Variants in CD2AP observed in about 807,000 individuals in gnomAD.
CD2AP encodes the protein CD2 associated protein, also known as CD2-associated protein.
CD2AP carries 46 observed loss-of-function variants against 85.1 expected under a neutral mutation model. The ratio of observed to expected loss-of-function variants is 0.54; its 90% confidence interval spans 0.43 to 0.69. The LOEUF (loss-of-function observed/expected upper bound fraction) is 0.69. Ranked by LOEUF, CD2AP falls within the 30% of genes least tolerant of loss-of-function variation. The pLI, the probability that CD2AP is intolerant of heterozygous loss-of-function variation, is 0.00. For missense variants in CD2AP, 769 were observed against 729.5 expected (o/e 1.05, Z -0.62); for synonymous variants, 255 against 252.9 (o/e 1.01, Z -0.08).
chr6:47,540,620 G>C (rs1315849952), intron 3 of CD2AP, among the ~76,000 whole-genome samples: 1 of 151,794 alleles, frequency 6.6e-6, no homozygotes. Context: ...GAAAAATTAT[G>C]TTTAGTGTGA....
chr6:47,488,386 G>A (rs1765621888), intron 1 of CD2AP, among the ~76,000 whole-genome samples: 1 of 152,052 alleles, frequency 6.6e-6, no homozygotes, highest in Admixed American at 6.6e-5. Flanking sequence ...TGTTACATAT[G>A]TGTAATTTTA....
In CD2AP at chr6:47,533,555, A is replaced by C. The variant is rs780246981; in HGVS notation, c.166-47A>C. 3 of 1,571,956 alleles carry C rather than the reference A, an allele frequency of 1.9e-6. No individual in the cohort carries two copies. The East Asian group carries it at 7.0e-5, about 37-fold the overall frequency. On this transcript the variant is annotated intron_variant, in intron 2 of 17. Coordinates refer to ENST00000359314, the MANE Select transcript of CD2AP (RefSeq NM_012120.3). Reference sequence around the variant, plus strand: ...TATTTTACATTTGAGGATTTAATATAAAAAATATAACTTAACTTGCCTCTT... The same window carrying C: ...TATTTTACATTTGAGGATTTAATATCAAAAATATAACTTAACTTGCCTCTT...
rs1769264821 is a variant in CD2AP at position 47,606,206 on chromosome 6, C to G, written c.1459C>G (p.Leu487Val). ...FDDIASSENLLHLTANRPKMP... is the reference protein window; with the variant it reads ...FDDIASSENLVHLTANRPKMP... ...TGACATAGCTTCCTCAGAAAACTTG[C>G]TTCATCTCACTGCAAATAGACCAAA... The change falls in exon 14 of 18, where the codon CTT becomes GTT. Residue 487 changes from leucine to valine, a missense_variant. Transcript: ENST00000359314. 1 of 1,610,922 alleles carries G rather than the reference C, an allele frequency of 6.2e-7. No individual in the cohort carries two copies. The highest frequency in any genetic ancestry group is 8.5e-7 in the Non-Finnish European group (1 of 1,177,352).
intron 3 of CD2AP, among the ~76,000 whole-genome samples, chr6:47,540,671 G>T (rs1290328915): frequency 6.6e-6 from 1 of 152,042 alleles, no homozygotes; most frequent in Non-Finnish European, 1.5e-5. Flanking sequence ...TAACTAGGCT[G>T]CTCAGACTTC....
At position 47,625,166 on chromosome 6, in the gene CD2AP, C is replaced by A. The variant is rs1276696401; in HGVS notation, c.*939C>A. The A allele has an allele frequency of 4.6e-5, 7 of 151,816 alleles. No individual in the cohort carries two copies. Among genetic ancestry groups the A allele is most frequent in the African/African-American group, 1.7e-4 (7 of 41,444 alleles). The allele number at this position is 151,816 out of a possible 1,614,324, so 9.4% of individuals were successfully genotyped here. On this transcript the variant is annotated 3_prime_UTR_variant, in exon 18 of 18. Coordinates refer to ENST00000359314, the MANE Select transcript of CD2AP (RefSeq NM_012120.3). ...CTCATTATCTTGTCACTTAGTTCTTCATGTTTCTCCTTCTGACTTTTAATA... is the reference window on the plus strand; with the variant it reads ...CTCATTATCTTGTCACTTAGTTCTTAATGTTTCTCCTTCTGACTTTTAATA...
chr6:47,501,361 T>C (rs1223715124), intron 1 of CD2AP, among the ~76,000 whole-genome samples: 2 of 152,224 alleles, frequency 1.3e-5, no homozygotes, highest in Non-Finnish European at 2.9e-5. Context: ...CAGTTAGATA[T>C]CCTGGCACCT....
chr6:47,511,155 C>T (rs932774561), intron 2 of CD2AP, among the ~76,000 whole-genome samples: 15 of 147,960 alleles, frequency 1.0e-4, no homozygotes, highest in Non-Finnish European at 1.9e-4. Flanking sequence ...GGAGAAACTT[C>T]GCAAATACTG....
chr6:47,620,957 G>T (rs531397418), intron 17 of CD2AP, among the ~76,000 whole-genome samples: 1 of 152,246 alleles, frequency 6.6e-6, no homozygotes, highest in East Asian at 1.9e-4. Context: ...AGTCTTGAGG[G>T]TTTTCAAGGT....
At chr6:47,499,791 C>T (rs1403202300) in intron 1 of CD2AP, among the ~76,000 whole-genome samples, 1 of 152,132 alleles carries the variant, frequency 6.6e-6, no homozygotes, top group Non-Finnish European at 1.5e-5. Context: ...CGCAGTGGCA[C>T]GACCTCGGCT....
At position 47,528,568 on chromosome 6, in the gene CD2AP, C is replaced by T. The variant is rs530697338; in HGVS notation, c.166-5034C>T. 2.6e-5 allele frequency among the ~76,000 whole-genome samples: 4 copies of T among 152,224 alleles called. No homozygotes were observed. In the East Asian group the frequency reaches 5.8e-4, roughly 22 times the overall value. ...CTGTCTCATGCTTTGCTGTTTTTAC[C>T]AGTTGTAAATAGTAGTTTATTAAGT... On this transcript the variant is annotated intron_variant, in intron 2 of 17. Transcript: ENST00000359314.
intron 11 of CD2AP, among the ~76,000 whole-genome samples, chr6:47,582,868 C>G (rs1402990710): frequency 6.6e-6 from 1 of 151,268 alleles, no homozygotes; most frequent in Non-Finnish European, 1.5e-5. Flanking sequence ...CTGCAAGCTC[C>G]GCCTCCTGGG....
chr6:47,618,047 G>A lies in CD2AP; in HGVS notation c.1878+5511G>A, dbSNP rs534806427. Among the ~76,000 whole-genome samples the A allele has an allele frequency of 3.3e-5, 5 of 152,260 alleles. No homozygotes were observed. The East Asian group carries it at 9.6e-4, about 29-fold the overall frequency. On this transcript the variant is annotated intron_variant, in intron 17 of 17. Coordinates refer to ENST00000359314, the MANE Select transcript of CD2AP (RefSeq NM_012120.3). ...TAAAAGTAATTTAGTGGCCGGGCACGGTGGCTCACACCTGTAATCCCAGCA... is the reference window on the plus strand; with the variant it reads ...TAAAAGTAATTTAGTGGCCGGGCACAGTGGCTCACACCTGTAATCCCAGCA...
Position 47,485,526 on chromosome 6 carries a change from A to G in CD2AP, c.4+7278A>G, listed in dbSNP as rs1028970351. Among the ~76,000 whole-genome samples the G allele has an allele frequency of 1.1e-4, 16 of 152,286 alleles. 1 individual carries two copies. The highest frequency in any genetic ancestry group is 4.6e-4 in the Admixed American group (7 of 15,300). ...AAAAAAGTTAAAAAATTTATAAAGT[A>G]AAAAGTTATAGTAAGCTAAGGTTAA... On this transcript the variant is annotated intron_variant, in intron 1 of 17. Coordinates refer to ENST00000359314, the MANE Select transcript of CD2AP (RefSeq NM_012120.3).
chr6:47,580,998 G>A, intron 10 of CD2AP, 98 bp downstream of exon 10: 3 of 840,968 alleles, frequency 3.6e-6, no homozygotes, highest in East Asian at 2.5e-5. Context: ...TTTTTATCAA[G>A]TATGATGTCT....
At chr6:47,520,174 T>C (rs1480688066) in intron 2 of CD2AP, among the ~76,000 whole-genome samples, 1 of 152,162 alleles carries the variant, frequency 6.6e-6, no homozygotes, top group Non-Finnish European at 1.5e-5. Flanking sequence ...TGGAAAGTTA[T>C]TTCAGTTACT....
At chr6:47,589,211 G>A (rs188140297) in intron 11 of CD2AP, among the ~76,000 whole-genome samples, 1 of 152,092 alleles carries the variant, frequency 6.6e-6, no homozygotes, top group East Asian at 1.9e-4. Context: ...TTTACTAAGA[G>A]TTTGTATTAA....
intron 1 of CD2AP, among the ~76,000 whole-genome samples, chr6:47,492,210 A>G (rs1054750825): frequency 1.3e-5 from 2 of 152,194 alleles, no homozygotes; most frequent in Non-Finnish European, 2.9e-5. Flanking sequence ...TAATTTATGA[A>G]CAACAGAAAT....
At chr6:47,616,278 G>T (rs1343023392) in intron 17 of CD2AP, among the ~76,000 whole-genome samples, 2 of 151,482 alleles carry the variant, frequency 1.3e-5, no homozygotes, top group Non-Finnish European at 2.9e-5. Context: ...ATTTTTAACA[G>T]AGATGGGGTT....
rs563353143 is a variant in CD2AP at position 47,513,471 on chromosome 6, A to G, written c.165+10031A>G. ...ATAAATTGAGTGGTCTGCAAACTCT[A>G]TTTTTTATATAGTCACTGGTATTTT... On this transcript the variant is annotated intron_variant, in intron 2 of 17. Coordinates refer to ENST00000359314, the MANE Select transcript of CD2AP (RefSeq NM_012120.3). Among the ~76,000 whole-genome samples, 3 of 152,066 alleles carry G rather than the reference A, an allele frequency of 2.0e-5. No homozygotes were observed. In the East Asian group the frequency reaches 5.8e-4, roughly 29 times the overall value.
Sources: gnomAD v4.1 joint callset for allele counts (sites outside exome capture counted in the v4.1 genomes callset) on GRCh38, gnomAD v4.1.1 for gene constraint, MANE v1.5 for transcripts, NCBI Gene and HGNC (gene_info 2026-07-23, HGNC 2026-07-21) for gene names.